CNTN4: variants seen among roughly 807,000 people sequenced by gnomAD.
The protein encoded by CNTN4 is contactin 4, also known as contactin-4.
Under a neutral mutation model 122.5 loss-of-function variants are expected in CNTN4, and 77 were observed. The observed-to-expected ratio is 0.63, with a 90% confidence interval of 0.52 to 0.76. CNTN4 has a LOEUF of 0.76. Ranked by LOEUF, CNTN4 falls within the 30% of genes least tolerant of loss-of-function variation. The pLI is 0.00. For synonymous variants in CNTN4, 512 were observed against 447.0 expected (o/e 1.15, Z -1.83); for missense variants, 1,256 against 1,259.1 (o/e 1.00, Z 0.04).
rs2042107440 is a variant in CNTN4, at chr3:2,290,846, C to G, written c.-144-48332C>G. ...AGGAAAAAACTTATTTCCCTTTCAA[C>G]AGAAACTTCGGGTCTGAACTTTGTA... is the stretch of plus-strand genomic sequence containing the variant. On this transcript the variant is annotated intron_variant, in intron 2 of 24. Transcript: ENST00000418658. Among the ~76,000 whole-genome samples, 4 of 152,206 alleles carry G rather than the reference C, an allele frequency of 2.6e-5. No homozygotes were observed. The South Asian group carries it at 8.3e-4, about 32-fold the overall frequency.
intron 14 of CNTN4, among the ~76,000 whole-genome samples, chr3:2,993,936 T>C (rs967735713): frequency 6.6e-6 from 1 of 152,184 alleles, no homozygotes; most frequent in Non-Finnish European, 1.5e-5. Flanking sequence ...GGATACGAGT[T>C]GAAAATCCAG....
At chr3:2,455,146 A>T (rs1395543968) in intron 3 of CNTN4, among the ~76,000 whole-genome samples, 1 of 152,178 alleles carries the variant, frequency 6.6e-6, no homozygotes, top group Non-Finnish European at 1.5e-5. Flanking sequence ...GGATGGACTT[A>T]TGAGTTCTTC....
intron 7 of CNTN4, among the ~76,000 whole-genome samples, chr3:2,858,366 T>A (rs1210948822): frequency 2.6e-5 from 4 of 152,180 alleles, no homozygotes; most frequent in Non-Finnish European, 5.9e-5. Flanking sequence ...ATAGTGGACA[T>A]TGTGTTGTAT....
In CNTN4 at chr3:2,759,238, C is replaced by G. The variant is rs149349103; in HGVS notation, c.358+13541C>G. On this transcript the variant is annotated intron_variant, in intron 6 of 24. Coordinates refer to ENST00000418658, the MANE Select transcript of CNTN4 (RefSeq NM_175607.3). ...TGGTGCGATCTCAGCTCACTGCAAC[C>G]TCTGCCTCCCGGCTTCAAGCTATTC... Among the ~76,000 whole-genome samples, 722 of 152,244 alleles carry G rather than the reference C, an allele frequency of 4.7e-3. 8 individuals carry two copies. Among genetic ancestry groups the G allele is most frequent in the African/African-American group, 0.017 (686 of 41,530 alleles).
At chr3:2,481,531 T>G (rs1004677129) in intron 3 of CNTN4, among the ~76,000 whole-genome samples, 1 of 152,072 alleles carries the variant, frequency 6.6e-6, no homozygotes, top group Non-Finnish European at 1.5e-5. Context: ...GTCACTGACT[T>G]AAACCCCGCG....
At chr3:2,111,246 T>A (rs184293309) in intron 2 of CNTN4, among the ~76,000 whole-genome samples, 157 of 152,368 alleles carry the variant, frequency 1.0e-3, no homozygotes, top group Non-Finnish European at 1.9e-3. Context: ...CATAGTTCTG[T>A]TAATTCTACT....
At chr3:3,009,833 G>A (rs1341732167) in intron 14 of CNTN4, among the ~76,000 whole-genome samples, 1 of 152,196 alleles carries the variant, frequency 6.6e-6, no homozygotes, top group Non-Finnish European at 1.5e-5. Flanking sequence ...AGTGTGGCAC[G>A]AAAAAGCCTA....
intron 6 of CNTN4, among the ~76,000 whole-genome samples, chr3:2,773,354 T>C (rs1394011524): frequency 6.6e-6 from 1 of 152,186 alleles, no homozygotes; most frequent in African/African-American, 2.4e-5. Context: ...TACTGACTTG[T>C]TAGATATAAA....
At chr3:2,514,102 G>A (rs1559624140) in intron 3 of CNTN4, among the ~76,000 whole-genome samples, 1 of 152,140 alleles carries the variant, frequency 6.6e-6, no homozygotes, top group Non-Finnish European at 1.5e-5. Context: ...TTTGTAAATT[G>A]GGATACAGCA....
intron 7 of CNTN4, 97 bp from the exon 8 acceptor site, chr3:2,866,655 C>G: frequency 7.8e-7 from 1 of 1,280,326 alleles, no homozygotes; most frequent in Non-Finnish European, 1.1e-6. Flanking sequence ...CATTGGACAA[C>G]AATGTATACA....
At chr3:2,465,823 T>C (rs2075477575) in intron 3 of CNTN4, among the ~76,000 whole-genome samples, 1 of 152,252 alleles carries the variant, frequency 6.6e-6, no homozygotes, top group Non-Finnish European at 1.5e-5. Flanking sequence ...TTGTTGGTCC[T>C]TTTCTGACAT....
intron 16 of CNTN4, among the ~76,000 whole-genome samples, chr3:3,032,056 AAG>A (rs1699209944): frequency 6.6e-6 from 1 of 152,228 alleles, no homozygotes; most frequent in Non-Finnish European, 1.5e-5. Context: ...GAGAGGGTTC[AAG>A]AGAAATAGCA....
At chr3:2,991,738 G>C (rs983416965) in intron 14 of CNTN4, among the ~76,000 whole-genome samples, 1 of 152,138 alleles carries the variant, frequency 6.6e-6, no homozygotes, top group African/African-American at 2.4e-5. Context: ...CGCATGAACT[G>C]TGCCAAGTCC....
At chr3:2,595,820 T>TC (rs144537944) in intron 4 of CNTN4, among the ~76,000 whole-genome samples, 5,428 of 152,204 alleles carry the variant, frequency 0.036, 276 homozygotes, top group East Asian at 0.18. Flanking sequence ...ATCTGCATGA[T>TC]CCCCAAACAC....
intron 2 of CNTN4, among the ~76,000 whole-genome samples, chr3:2,244,643 A>C (rs932440641): frequency 6.6e-6 from 1 of 152,078 alleles, no homozygotes; most frequent in Non-Finnish European, 1.5e-5. Context: ...GAAAATTTCA[A>C]ACTGCATATG....
Position 2,780,475 on chromosome 3 carries a change from A to G in CNTN4, c.358+34778A>G, listed in dbSNP as rs546830469. On this transcript the variant is annotated intron_variant, in intron 6 of 24. Coordinates refer to ENST00000418658, the MANE Select transcript of CNTN4 (RefSeq NM_175607.3). ...ATTTTCTCTTTGGCTTCCACATAAG[A>G]ATAAAAGACTATATATTTTTTAAGT... Among the ~76,000 whole-genome samples, 86 of 152,362 alleles carry G rather than the reference A, an allele frequency of 5.6e-4. No individual in the cohort carries two copies. The South Asian group carries it at 0.017, about 31-fold the overall frequency.
At chr3:2,903,049 G>A (rs548377125) in intron 12 of CNTN4, 44 bp downstream of exon 12, 3 of 1,589,956 alleles carry the variant, frequency 1.9e-6, no homozygotes, top group East Asian at 4.5e-5. Flanking sequence ...AAACTCTTTA[G>A]ATCACTAAAC....
At chr3:2,369,950 T>C (rs1262396470) in intron 3 of CNTN4, among the ~76,000 whole-genome samples, 1 of 152,104 alleles carries the variant, frequency 6.6e-6, no homozygotes, top group African/African-American at 2.4e-5. Context: ...GATACACAAT[T>C]GTCCATATTG....
chr3:2,481,139 CTT>C (rs1189651480), intron 3 of CNTN4, among the ~76,000 whole-genome samples: 1 of 146,884 alleles, frequency 6.8e-6, no homozygotes, highest in East Asian at 2.0e-4. Flanking sequence ...TTCTTTCTCT[CTT>C]TCTTTCTTTG....
Sources: gnomAD v4.1 joint callset for allele counts (sites outside exome capture counted in the v4.1 genomes callset) on GRCh38, gnomAD v4.1.1 for gene constraint, MANE v1.5 for transcripts, NCBI Gene and HGNC (gene_info 2026-07-23, HGNC 2026-07-21) for gene names.